The following DSCAM variants were observed in gnomAD, a reference collection of about 807,000 sequenced individuals.
The protein encoded by DSCAM is cell adhesion molecule DSCAM.
Under a neutral mutation model 217.7 loss-of-function variants are expected in DSCAM, and 47 were observed. The observed-to-expected ratio is 0.22, with a 90% confidence interval of 0.17 to 0.28. The LOEUF is 0.28. DSCAM is among the 10% of genes least tolerant of loss of function. DSCAM has a pLI of 1.00. For missense variants in DSCAM, 2,080 were observed against 2,618.3 expected (o/e 0.79, Z 4.49); for synonymous variants, 1,056 against 1,015.3 (o/e 1.04, Z -0.76).
intron 11 of DSCAM, among the ~76,000 whole-genome samples, chr21:40,204,214 T>C (rs1203721530): frequency 6.6e-6 from 1 of 152,238 alleles, no homozygotes; most frequent in African/African-American, 2.4e-5. Context: ...TGCACACACA[T>C]GTACCCATGA....
chr21:40,656,450 G>A (rs2146369996), intron 3 of DSCAM, among the ~76,000 whole-genome samples: 1 of 151,596 alleles, frequency 6.6e-6, no homozygotes, highest in East Asian at 1.9e-4. Context: ...AACAAGCTGT[G>A]TGTGTTATTT....
intron 8 of DSCAM, among the ~76,000 whole-genome samples, chr21:40,316,081 A>G (rs1042113832): frequency 6.6e-6 from 1 of 152,340 alleles, no homozygotes; most frequent in South Asian, 2.1e-4. Flanking sequence ...CGGTTAACAT[A>G]TTAAATAAAA....
chr21:40,451,516 G>C (rs1376814169), intron 3 of DSCAM, among the ~76,000 whole-genome samples: 1 of 152,152 alleles, frequency 6.6e-6, no homozygotes, highest in Non-Finnish European at 1.5e-5. Flanking sequence ...AATTAGGTGT[G>C]TGGGGCTCGT....
At chr21:40,417,164 T>C (rs923133589) in intron 3 of DSCAM, among the ~76,000 whole-genome samples, 10 of 152,218 alleles carry the variant, frequency 6.6e-5, no homozygotes, top group African/African-American at 2.4e-4. Flanking sequence ...TAAGGTTGCG[T>C]GAACATCTAT....
intron 9 of DSCAM, among the ~76,000 whole-genome samples, chr21:40,301,470 A>G (rs1442815902): frequency 6.6e-6 from 1 of 152,132 alleles, no homozygotes; most frequent in Non-Finnish European, 1.5e-5. Flanking sequence ...AGGCTTCTTC[A>G]TGTCTGTTTA....
chr21:40,713,157 C>G (rs34810773), intron 1 of DSCAM, among the ~76,000 whole-genome samples: 1 of 152,216 alleles, frequency 6.6e-6, no homozygotes, highest in Non-Finnish European at 1.5e-5. Context: ...CAGATGATAT[C>G]TACCTGACAG....
chr21:40,624,062 T>C (rs1375014294), intron 3 of DSCAM, among the ~76,000 whole-genome samples: 2 of 152,286 alleles, frequency 1.3e-5, no homozygotes, highest in East Asian at 1.9e-4. Flanking sequence ...GTTCTGATCA[T>C]ATACACCCAT....
At chr21:40,802,100 C>T (rs1204425508) in intron 1 of DSCAM, among the ~76,000 whole-genome samples, 3 of 152,024 alleles carry the variant, frequency 2.0e-5, no homozygotes, top group Non-Finnish European at 4.4e-5. Flanking sequence ...GAAGTAGCTG[C>T]ATGGGCTACA....
At chr21:40,115,376 G>C (rs539377827) in intron 20 of DSCAM, among the ~76,000 whole-genome samples, 1 of 152,238 alleles carries the variant, frequency 6.6e-6, no homozygotes, top group South Asian at 2.1e-4. Context: ...AGAACACATG[G>C]ACACAGGAAG....
At chr21:40,251,344 T>A (rs2073301641) in intron 11 of DSCAM, among the ~76,000 whole-genome samples, 3 of 152,184 alleles carry the variant, frequency 2.0e-5, no homozygotes, top group Non-Finnish European at 4.4e-5. Flanking sequence ...TCAGCACATA[T>A]TAGCAGAGAG....
chr21:40,097,732 G>A (rs1048313137), intron 20 of DSCAM, among the ~76,000 whole-genome samples: 6 of 151,896 alleles, frequency 4.0e-5, no homozygotes, highest in Non-Finnish European at 8.8e-5. Flanking sequence ...ACGAGGTCAG[G>A]AGATTAAGAC....
intron 3 of DSCAM, among the ~76,000 whole-genome samples, chr21:40,672,227 T>C (rs1172693626): frequency 6.6e-6 from 1 of 152,026 alleles, no homozygotes; most frequent in African/African-American, 2.4e-5. Context: ...ATATGGCTTT[T>C]AGAGAGGGAC....
intron 1 of DSCAM, among the ~76,000 whole-genome samples, chr21:40,795,698 T>A (rs2091685539): frequency 6.6e-6 from 1 of 152,140 alleles, no homozygotes; most frequent in Non-Finnish European, 1.5e-5. Context: ...TCAGGGGAAA[T>A]CTAGTGATCT....
intron 19 of DSCAM, among the ~76,000 whole-genome samples, chr21:40,132,580 T>C (rs879736196): frequency 6.6e-6 from 1 of 151,944 alleles, no homozygotes; most frequent in Non-Finnish European, 1.5e-5. Flanking sequence ...CTAAAGCAAA[T>C]GAGGATTAGT....
intron 11 of DSCAM, among the ~76,000 whole-genome samples, chr21:40,261,648 T>TA (rs1181105594): frequency 1.6e-4 from 16 of 97,170 alleles, no homozygotes; most frequent in African/African-American, 5.9e-4. Context: ...TCTCTCTCTC[T>TA]CTCTACACAC....
chr21:40,154,412 C>T (rs1052485309), intron 16 of DSCAM, among the ~76,000 whole-genome samples: 2 of 151,962 alleles, frequency 1.3e-5, no homozygotes, highest in East Asian at 1.9e-4. Flanking sequence ...TCACCATACC[C>T]GGCAAATTTT....
chr21:40,578,823 T>A (rs2076878998), intron 3 of DSCAM, among the ~76,000 whole-genome samples: 2 of 152,116 alleles, frequency 1.3e-5, no homozygotes, highest in Non-Finnish European at 2.9e-5. Context: ...AATCCATCCC[T>A]GGGAATGGGG....
At chr21:40,393,846 T>C (rs1260962590) in intron 3 of DSCAM, among the ~76,000 whole-genome samples, 1 of 152,220 alleles carries the variant, frequency 6.6e-6, no homozygotes, top group East Asian at 1.9e-4. Flanking sequence ...CTACCTGTCA[T>C]TTGAATGCTT....
At chr21:40,649,138 C>G (rs966717643) in intron 3 of DSCAM, among the ~76,000 whole-genome samples, 8 of 152,152 alleles carry the variant, frequency 5.3e-5, no homozygotes, top group African/African-American at 1.2e-4. Flanking sequence ...CAGTGCACTA[C>G]ATCTGGTTAC....
Sources: allele counts gnomAD v4.1 joint callset (sites outside exome capture counted in the v4.1 genomes callset), GRCh38; gene constraint gnomAD v4.1.1; transcripts MANE v1.5; gene names NCBI Gene and HGNC (gene_info 2026-07-23, HGNC 2026-07-21).